The following ACOXL variants were observed in gnomAD, a reference collection of about 807,000 sequenced individuals.
ACOXL encodes acyl-CoA oxidase like, also known as acyl-coenzyme A oxidase-like protein.
In ACOXL, 70 loss-of-function variants were observed where a neutral mutation model predicts 71.9. The observed-to-expected ratio is 0.97, with a 90% CI of 0.80 to 1.19. The LOEUF is 1.19. Among genes scored for constraint, ACOXL ranks in the 50% most tolerant of loss-of-function variants. ACOXL has a pLI of 0.00. For synonymous variants in ACOXL, 253 were observed against 281.6 expected, an observed-to-expected ratio of 0.90 and a Z score of 1.02; for missense variants, 703 against 736.3, an observed-to-expected ratio of 0.95 and a Z score of 0.52.
At chr2:111,064,856 C>T (rs139024966) in intron 16 of ACOXL, among the ~76,000 whole-genome samples, 83 of 152,236 alleles carry the variant, frequency 5.5e-4, no homozygotes, top group South Asian at 2.5e-3. Context: ...AACAAATCAA[C>T]GTAGAGCTAT....
At chr2:110,992,972 C>T (rs3789093) in intron 13 of ACOXL, among the ~76,000 whole-genome samples, 136,758 of 152,258 alleles carry the variant, frequency 0.9, 61,680 homozygotes, top group African/African-American at 0.97. Flanking sequence ...GAGATTCTAT[C>T]AACCTATTAC....
chr2:110,887,010 CA>C (rs1697380726), intron 10 of ACOXL: 2 of 871,982 alleles, frequency 2.3e-6, no homozygotes, highest in South Asian at 3.5e-5. Flanking sequence ...AAGATGTCTG[CA>C]GAGTGCCGCT....
chr2:110,820,729 T>G (rs969097587), intron 9 of ACOXL, among the ~76,000 whole-genome samples: 18 of 151,956 alleles, frequency 1.2e-4, no homozygotes, highest in South Asian at 4.2e-4. Flanking sequence ...CCAGGCAAGG[T>G]GAAGATGTGG....
chr2:111,029,069 T>C (rs1278561937), intron 14 of ACOXL, among the ~76,000 whole-genome samples: 1 of 152,234 alleles, frequency 6.6e-6, no homozygotes, highest in Non-Finnish European at 1.5e-5. Context: ...TAATAAAATC[T>C]ACTTCCAGAG....
chr2:110,766,173 G>T (rs924948676), intron 1 of ACOXL, among the ~76,000 whole-genome samples: 3 of 152,070 alleles, frequency 2.0e-5, no homozygotes, highest in Admixed American at 2.0e-4. Flanking sequence ...TATCATTCAT[G>T]TTGTGATGTT....
intron 12 of ACOXL, among the ~76,000 whole-genome samples, chr2:110,966,224 C>A (rs182259551): frequency 1.3e-5 from 2 of 152,258 alleles, no homozygotes; most frequent in Admixed American, 6.5e-5. Context: ...AGATTCCCCA[C>A]CAGAGTAGTG....
chr2:110,866,148 G>T (rs1303926765), intron 10 of ACOXL, among the ~76,000 whole-genome samples: 1 of 152,210 alleles, frequency 6.6e-6, no homozygotes, highest in African/African-American at 2.4e-5. Context: ...CTCATTTGTG[G>T]CCAGCAGGAT....
intron 17 of ACOXL, chr2:111,093,774 G>A (rs1040011436): frequency 3.8e-5 from 15 of 398,748 alleles, no homozygotes; most frequent in African/African-American, 2.5e-4. Context: ...TGAGGCACGA[G>A]AATCGCTTGA....
chr2:110,833,754 A>G (rs4849105), intron 9 of ACOXL, among the ~76,000 whole-genome samples: 65,300 of 151,996 alleles, frequency 0.43, 14,383 homozygotes, highest in East Asian at 0.56. Flanking sequence ...TGCCTCATGT[A>G]CTTGGGTGGA....
At chr2:110,860,410 C>T (rs530278115) in intron 10 of ACOXL, among the ~76,000 whole-genome samples, 9 of 152,338 alleles carry the variant, frequency 5.9e-5, no homozygotes, top group African/African-American at 1.4e-4. Flanking sequence ...TGAGCCACCG[C>T]GCCCAGCCTT....
At chr2:110,771,302 A>G (rs1291278543) in intron 2 of ACOXL, among the ~76,000 whole-genome samples, 2 of 152,324 alleles carry the variant, frequency 1.3e-5, no homozygotes, top group East Asian at 3.9e-4. Context: ...CAGTAATTCT[A>G]GAAGTGTTAC....
chr2:110,952,634 A>G (rs550025411), intron 12 of ACOXL, among the ~76,000 whole-genome samples: 1 of 152,078 alleles, frequency 6.6e-6, no homozygotes, highest in East Asian at 1.9e-4. Context: ...TTTTGTTGAA[A>G]TGGGGGTCTC....
chr2:110,957,143 G>GT (rs2061531241), intron 12 of ACOXL, among the ~76,000 whole-genome samples: 1 of 151,630 alleles, frequency 6.6e-6, no homozygotes, highest in African/African-American at 2.4e-5. Flanking sequence ...GGATGAATCT[G>GT]TTTTTTCTGC....
intron 2 of ACOXL, among the ~76,000 whole-genome samples, chr2:110,783,931 C>T (rs1683637003): frequency 6.6e-6 from 1 of 152,292 alleles, no homozygotes; most frequent in African/African-American, 2.4e-5. Context: ...CCTCATTTGT[C>T]ACTGGTGGAG....
At chr2:110,856,868 C>A (rs1693317884) in intron 10 of ACOXL, among the ~76,000 whole-genome samples, 1 of 152,180 alleles carries the variant, frequency 6.6e-6, no homozygotes, top group Admixed American at 6.5e-5. Context: ...ATGTAAATCC[C>A]AACTCTTGTA....
intron 10 of ACOXL, among the ~76,000 whole-genome samples, chr2:110,907,460 G>A (rs1302148192): frequency 1.3e-5 from 2 of 151,966 alleles, no homozygotes; most frequent in Non-Finnish European, 2.9e-5. Flanking sequence ...TATTTTCACC[G>A]TGATCCAGCA....
At chr2:110,852,612 G>T (rs528119727) in intron 10 of ACOXL, among the ~76,000 whole-genome samples, 2 of 152,302 alleles carry the variant, frequency 1.3e-5, no homozygotes, top group South Asian at 4.1e-4. Context: ...TACAAATCAA[G>T]AACATTCTAT....
intron 17 of ACOXL, among the ~76,000 whole-genome samples, chr2:111,110,058 T>C (rs1292943979): frequency 6.6e-6 from 1 of 152,254 alleles, no homozygotes. Context: ...TGGTCATCTC[T>C]AAGTCGGCTA....
intron 12 of ACOXL, among the ~76,000 whole-genome samples, chr2:110,959,980 G>C (rs2061641043): frequency 6.6e-6 from 1 of 152,220 alleles, no homozygotes; most frequent in Non-Finnish European, 1.5e-5. Context: ...GGCTGGAAGG[G>C]AGGAGCATAA....
Sources: allele counts gnomAD v4.1 joint callset (sites outside exome capture counted in the v4.1 genomes callset), GRCh38; gene constraint gnomAD v4.1.1; transcripts MANE v1.5; gene names NCBI Gene and HGNC (gene_info 2026-07-23, HGNC 2026-07-21).